The following PTPRJ variants were observed in gnomAD, a reference collection of about 807,000 sequenced individuals.
PTPRJ encodes the protein receptor-type tyrosine-protein phosphatase eta.
PTPRJ carries 129 observed loss-of-function variants against 141.3 expected under a neutral mutation model. The observed-to-expected ratio is 0.91, with a 90% confidence interval of 0.79 to 1.06. The LOEUF is 1.06. Ranked by LOEUF, PTPRJ falls within the 50% of genes least tolerant of loss-of-function variation. PTPRJ has a pLI of 0.00. For missense variants in PTPRJ, 1,601 were observed against 1,679.7 expected, an observed-to-expected ratio of 0.95 and a Z score of 0.82; for synonymous variants, 610 against 640.5, an observed-to-expected ratio of 0.95 and a Z score of 0.72.
At chr11:48,115,774 A>G (rs79111928) in intron 3 of PTPRJ, among the ~76,000 whole-genome samples, 3,147 of 152,314 alleles carry the variant, frequency 0.021, 109 homozygotes, top group African/African-American at 0.071. Context: ...ATGGTGACAT[A>G]AACAATTCAT....
Position 48,150,081 on chromosome 11 carries a change from G to A in PTPRJ, c.3051-15G>A, listed in dbSNP as rs1201572984. ...CACTGAATGTAAAAAATCCTGATAA[G>A]TTTTGTTTTCTTAGATCTAAGTTAA... On this transcript the variant is annotated splice_polypyrimidine_tract_variant and intron_variant, in intron 17 of 24. Transcript: ENST00000418331. 9 of 1,606,818 alleles carry A rather than the reference G, an allele frequency of 5.6e-6. No individual in the cohort carries two copies. Among genetic ancestry groups the A allele is most frequent in the South Asian group, 1.1e-5 (1 of 90,426 alleles).
chr11:48,164,206 G>A (rs1471050034), intron 23 of PTPRJ, among the ~76,000 whole-genome samples, 174 bp from the exon 24 acceptor site: 1 of 152,192 alleles, frequency 6.6e-6, no homozygotes, highest in East Asian at 1.9e-4. Flanking sequence ...CCAGTCCCAA[G>A]CTAGTGCTGT....
chr11:48,010,272 G>C (rs533415696), intron 1 of PTPRJ, among the ~76,000 whole-genome samples: 4 of 152,242 alleles, frequency 2.6e-5, no homozygotes, highest in African/African-American at 9.6e-5. Flanking sequence ...CCCACTCCCA[G>C]CTTCAAGCAG....
intron 1 of PTPRJ, among the ~76,000 whole-genome samples, chr11:47,981,495 G>C (rs896638226): frequency 6.6e-6 from 1 of 152,214 alleles, no homozygotes; most frequent in Non-Finnish European, 1.5e-5. Context: ...GCGCTGGGCA[G>C]TGGGGCCCTG....
chr11:48,130,579 A>G lies in PTPRJ; in HGVS notation c.1478A>G (p.Asn493Ser), dbSNP rs1229171752. Residue 493 changes from asparagine (N) to serine (S), a missense_variant, in exon 8 of 25, where the codon AAT becomes AGT. Asn to Ser is a conservative substitution (Grantham distance 46). Coordinates refer to ENST00000418331, the MANE Select transcript of PTPRJ (RefSeq NM_002843.4). ...QMHITQEGAG[N>S]SRVEITTNQS... is the part of the protein sequence containing the mutation. ...CATATCACACAGGAGGGAGCTGGCA[A>G]TTCTCGGGTAGAAATAACCACCAAC... The G allele has an allele frequency of 1.1e-5, 18 of 1,614,128 alleles. No homozygotes were observed. The highest frequency in any genetic ancestry group is 1.5e-5 in the Non-Finnish European group (18 of 1,180,018).
At chr11:48,036,821 A>C (rs1489983704) in intron 1 of PTPRJ, among the ~76,000 whole-genome samples, 1 of 152,190 alleles carries the variant, frequency 6.6e-6, no homozygotes, top group African/African-American at 2.4e-5. Context: ...CTCCCAGAGA[A>C]ACCAGGCAGA....
At chr11:48,015,006 AG>A (rs1854914979) in intron 1 of PTPRJ, among the ~76,000 whole-genome samples, 1 of 152,088 alleles carries the variant, frequency 6.6e-6, no homozygotes, top group African/African-American at 2.4e-5. Flanking sequence ...GTCCCAGGCC[AG>A]ATGGACCATT....
At chr11:48,067,546 A>C (rs1316869525) in intron 1 of PTPRJ, among the ~76,000 whole-genome samples, 1 of 152,188 alleles carries the variant, frequency 6.6e-6, no homozygotes, top group Non-Finnish European at 1.5e-5. Context: ...GTCTTATCCT[A>C]GGAAGTGTTC....
At chr11:48,011,426 G>T (rs867275709) in intron 1 of PTPRJ, among the ~76,000 whole-genome samples, 1 of 152,118 alleles carries the variant, frequency 6.6e-6, no homozygotes. Context: ...AAGTAATGCC[G>T]ATCAGGGGCT....
At chr11:48,164,237 C>A in intron 23 of PTPRJ, 143 bp from the exon 24 acceptor site, 1 of 1,050,514 alleles carries the variant, frequency 9.5e-7, no homozygotes, top group Non-Finnish European at 1.3e-6. Flanking sequence ...GAGGCTTCAA[C>A]TGAGCAAATG....
At chr11:48,032,211 T>C (rs1227608290) in intron 1 of PTPRJ, among the ~76,000 whole-genome samples, 2 of 152,168 alleles carry the variant, frequency 1.3e-5, no homozygotes, top group East Asian at 3.9e-4. Flanking sequence ...CCTAGTTCCC[T>C]TTTTTTGTGA....
At position 48,055,283 on chromosome 11, in the gene PTPRJ, A is replaced by G. The variant is rs528209289; in HGVS notation, c.97-54775A>G. Among the ~76,000 whole-genome samples the G allele has an allele frequency of 7.3e-4, 111 of 152,328 alleles. 1 individual carries two copies. The South Asian group carries it at 0.016, about 21-fold the overall frequency. On this transcript the variant is annotated intron_variant, in intron 1 of 24. Coordinates refer to ENST00000418331, the MANE Select transcript of PTPRJ (RefSeq NM_002843.4). ...CCAAAGTGGCCAGGACTCACCATGC[A>G]TTCAGGGAATATGGATTCTTTTGGT...
In PTPRJ at chr11:48,136,144, T is replaced by G; in HGVS notation, c.1721T>G (p.Val574Gly). 6.2e-7 allele frequency: 1 copy of G among 1,614,162 alleles called. No individual in the cohort carries two copies. The highest frequency in any genetic ancestry group is 8.5e-7 in the Non-Finnish European group (1 of 1,180,026). Residue 574 changes from valine (V) to glycine (G), a missense_variant, in exon 9 of 25, where the codon GTC becomes GGC. Val to Gly is a moderately radical substitution (Grantham distance 109). Coordinates refer to ENST00000418331, the MANE Select transcript of PTPRJ (RefSeq NM_002843.4). Reference protein sequence around the residue: ...DGASEYVYHLVIESKHGSNHT... With the variant: ...DGASEYVYHLGIESKHGSNHT... ...GCTTCCGAGTATGTCTACCATTTAG[T>G]CATAGAGTCCAAGCATGGCTCTAAC...
Position 48,141,740 on chromosome 11 carries a change from G to A in PTPRJ, c.2444-1179G>A, listed in dbSNP as rs1857232942. Among the ~76,000 whole-genome samples the A allele has an allele frequency of 2.0e-5, 3 of 152,122 alleles. No individual in the cohort carries two copies. The South Asian group carries it at 6.2e-4, about 32-fold the overall frequency. On this transcript the variant is annotated intron_variant, in intron 11 of 24. Transcript: ENST00000418331. Reference sequence around the variant, plus strand: ...GCTCATCTTGAGTCATATGGGACTGGGGGAGAGGACAAGGGCAGGTTAGCT... The same window carrying A: ...GCTCATCTTGAGTCATATGGGACTGAGGGAGAGGACAAGGGCAGGTTAGCT...
intron 1 of PTPRJ, among the ~76,000 whole-genome samples, chr11:48,035,700 G>A (rs1426461413): frequency 6.6e-6 from 1 of 151,998 alleles, no homozygotes; most frequent in Admixed American, 6.6e-5. Context: ...GTGTCATATT[G>A]CTATTATTGG....
At chr11:48,004,485 T>TC (rs1854575910) in intron 1 of PTPRJ, among the ~76,000 whole-genome samples, 2 of 152,206 alleles carry the variant, frequency 1.3e-5, no homozygotes, top group Admixed American at 6.6e-5. Flanking sequence ...AACAGGCTGG[T>TC]CCAGGTGTCT....
At chr11:48,162,079 C>T (rs1272095923) in intron 22 of PTPRJ, among the ~76,000 whole-genome samples, 2 of 152,072 alleles carry the variant, frequency 1.3e-5, no homozygotes, top group Non-Finnish European at 2.9e-5. Flanking sequence ...TAACTAAACT[C>T]CAGACTTTAT....
At chr11:48,000,041 TAGAGATGGGGTTTC>T (rs927449205) in intron 1 of PTPRJ, among the ~76,000 whole-genome samples, 4 of 151,696 alleles carry the variant, frequency 2.6e-5, no homozygotes, top group Non-Finnish European at 5.9e-5. Flanking sequence ...GTATTTTTAG[TAGAGATGGGGTTTC>T]ACCATGTTGG....
intron 7 of PTPRJ, 64 bp from the exon 8 acceptor site, chr11:48,130,395 G>A: frequency 6.8e-7 from 1 of 1,473,024 alleles, no homozygotes; most frequent in South Asian, 1.3e-5. Flanking sequence ...ATTTTCTGAG[G>A]TGGGGCATCC....
Sources: allele counts gnomAD v4.1 joint callset (sites outside exome capture counted in the v4.1 genomes callset), GRCh38; gene constraint gnomAD v4.1.1; transcripts MANE v1.5; gene names NCBI Gene and HGNC (gene_info 2026-07-23, HGNC 2026-07-21).